Variants in NSG2 observed in about 807,000 individuals in gnomAD.
NSG2 encodes the protein neuronal vesicle trafficking-associated protein 2.
NSG2 carries 4 observed loss-of-function variants against 16.9 expected under a neutral mutation model. That is an observed-to-expected ratio of 0.24 (90% CI 0.12 to 0.54). The LOEUF is 0.54. Among genes scored for constraint, NSG2 ranks in the 20% least tolerant of loss-of-function variants. NSG2 has a pLI of 0.95. For missense variants in NSG2, 179 were observed against 221.1 expected (o/e 0.81, Z 1.21); for synonymous variants, 98 against 88.7 (o/e 1.11, Z -0.59).
chr5:174,090,446 C>T (rs1458824061), intron 3 of NSG2, among the ~76,000 whole-genome samples: 2 of 152,128 alleles, frequency 1.3e-5, no homozygotes, highest in African/African-American at 4.8e-5. Context: ...TAGCACCCAC[C>T]CAAGTTTCAG....
At chr5:174,097,397 A>T (rs1454188580) in intron 3 of NSG2, among the ~76,000 whole-genome samples, 6 of 150,988 alleles carry the variant, frequency 4.0e-5, no homozygotes, top group South Asian at 2.1e-4. Flanking sequence ...GCACCACTAC[A>T]CCTGCACACG....
chr5:174,056,102 G>A (rs767045164), intron 2 of NSG2: 1 of 152,200 alleles, frequency 6.6e-6, no homozygotes, highest in Non-Finnish European at 1.5e-5. Flanking sequence ...TCATTCCACA[G>A]TTTTTATGGC....
intron 3 of NSG2, among the ~76,000 whole-genome samples, chr5:174,093,591 G>A (rs2113468440): frequency 6.6e-6 from 1 of 152,306 alleles, no homozygotes; most frequent in East Asian, 1.9e-4. Flanking sequence ...CAACCCCTTT[G>A]AACTTTCTGC....
chr5:174,053,030 G>A (rs921897888), intron 2 of NSG2, among the ~76,000 whole-genome samples: 3 of 152,206 alleles, frequency 2.0e-5, no homozygotes, highest in African/African-American at 4.8e-5. Context: ...AATGACTAAT[G>A]TATGGCATGC....
intron 3 of NSG2, among the ~76,000 whole-genome samples, chr5:174,077,174 A>T (rs771569611): frequency 3.3e-5 from 5 of 152,208 alleles, no homozygotes; most frequent in Non-Finnish European, 7.3e-5. Context: ...AATGTACTTG[A>T]TGCAATTTTA....
intron 3 of NSG2, among the ~76,000 whole-genome samples, chr5:174,094,134 C>T (rs1347413155): frequency 6.6e-6 from 1 of 152,186 alleles, no homozygotes; most frequent in African/African-American, 2.4e-5. Flanking sequence ...GAATGAGATA[C>T]TCTAGAGTTC....
Position 174,107,206 on chromosome 5 carries a change from C to G in NSG2, c.325-108C>G, listed in dbSNP as rs1760995942. ...CAGGTCAGGAGCTGTCACCTGCCCT[C>G]TGGCTGACAGCCCGATGCAGCTGCA... On this transcript the variant is annotated intron_variant, in intron 4 of 4. Coordinates refer to ENST00000303177, the MANE Select transcript of NSG2 (RefSeq NM_015980.5). This position sits in a 1 kb window ranked among gnomAD's most constrained non-coding sequence, Gnocchi z 4.5. 4.9e-6 allele frequency: 5 copies of G among 1,026,880 alleles called. No homozygotes were observed. In the Admixed American group the frequency reaches 1.3e-4, roughly 27 times the overall value. 63.6% of individuals were successfully genotyped at this position (1,026,880 alleles called of 1,614,324 possible).
intron 3 of NSG2, among the ~76,000 whole-genome samples, chr5:174,065,058 G>A (rs1760117036): frequency 6.6e-6 from 1 of 152,142 alleles, no homozygotes; most frequent in East Asian, 1.9e-4. Flanking sequence ...GCCGGGCACG[G>A]CGGCTCACGC....
chr5:174,102,040 G>C (rs899029781), intron 3 of NSG2, among the ~76,000 whole-genome samples: 25 of 152,134 alleles, frequency 1.6e-4, no homozygotes, highest in Non-Finnish European at 3.2e-4. Context: ...CATGCAACAG[G>C]CTTCAACTTC....
At chr5:174,069,920 A>G (rs960894242) in intron 3 of NSG2, among the ~76,000 whole-genome samples, 1 of 144,310 alleles carries the variant, frequency 6.9e-6, no homozygotes, top group Non-Finnish European at 1.5e-5. Flanking sequence ...CTTTGTCACC[A>G]AGACTGGAGT....
intron 4 of NSG2, among the ~76,000 whole-genome samples, chr5:174,104,669 C>T (rs1760949794): frequency 6.6e-6 from 1 of 152,148 alleles, no homozygotes; most frequent in South Asian, 2.1e-4. Flanking sequence ...GTCTTCCTGG[C>T]TCAATGGCTG....
At chr5:174,048,560 G>A (rs1759836504) in intron 2 of NSG2, among the ~76,000 whole-genome samples, 1 of 152,178 alleles carries the variant, frequency 6.6e-6, no homozygotes, top group South Asian at 2.1e-4. Flanking sequence ...ATATTCTCTT[G>A]GGGCTTTATG....
chr5:174,057,534 T>C (rs2077887), intron 2 of NSG2, among the ~76,000 whole-genome samples: 21,340 of 152,224 alleles, frequency 0.14, 2,089 homozygotes, highest in African/African-American at 0.27. Context: ...GTAGTGACTT[T>C]GTAGGGTTGT....
intron 3 of NSG2, among the ~76,000 whole-genome samples, chr5:174,094,515 C>T (rs1324301346): frequency 2.0e-5 from 3 of 152,170 alleles, no homozygotes; most frequent in African/African-American, 2.4e-5. Context: ...TCACACAGCT[C>T]ATCAGAAGCA....
intron 3 of NSG2, among the ~76,000 whole-genome samples, chr5:174,097,980 G>A (rs901091187): frequency 1.1e-4 from 16 of 152,048 alleles, no homozygotes; most frequent in African/African-American, 7.2e-5. Flanking sequence ...AAAAGGGTGC[G>A]ACTCGCTTGC....
At chr5:174,067,495 AAAGAAGGG>A (rs1174199517) in intron 3 of NSG2, among the ~76,000 whole-genome samples, 3 of 152,228 alleles carry the variant, frequency 2.0e-5, no homozygotes, top group African/African-American at 7.2e-5. Context: ...GGGGGTCAGG[AAAGAAGGG>A]CTTTGTGGTT....
rs2113434918 is a variant in NSG2, at chr5:174,064,228, T to C, written c.130-4T>C. 6.2e-7 allele frequency: 1 copy of C among 1,604,512 alleles called. No homozygotes were observed. The highest frequency in any genetic ancestry group is 8.5e-7 in the Non-Finnish European group (1 of 1,173,694). On this transcript the variant is annotated splice_polypyrimidine_tract_variant and splice_region_variant and intron_variant, in intron 2 of 4. Coordinates refer to ENST00000303177, the MANE Select transcript of NSG2 (RefSeq NM_015980.5). The stretch of plus-strand genomic sequence containing the variant: ...CATGCTAACACACTGGTTGACTCTT[T>C]CAGGTGATTGTGAAGACAAGAACGG...
chr5:174,097,011 G>A (rs971242328), intron 3 of NSG2, among the ~76,000 whole-genome samples: 7 of 152,148 alleles, frequency 4.6e-5, no homozygotes, highest in Non-Finnish European at 5.9e-5. Flanking sequence ...TCAGCAAAAT[G>A]GGGATAATAA....
intron 3 of NSG2, among the ~76,000 whole-genome samples, chr5:174,068,506 C>T (rs950554831): frequency 1.1e-4 from 16 of 150,200 alleles, no homozygotes; most frequent in Non-Finnish European, 2.2e-4. Context: ...TGGGTGTTTG[C>T]GTCATGGGAT....
Sources: gnomAD v4.1 joint callset for allele counts (sites outside exome capture counted in the v4.1 genomes callset) on GRCh38, gnomAD v4.1.1 for gene constraint, Gnocchi (gnomAD v3.1) non-coding constraint, MANE v1.5 for transcripts, NCBI Gene and HGNC (gene_info 2026-07-23, HGNC 2026-07-21) for gene names.